Variants in SLC30A6 observed in about 807,000 individuals in gnomAD.
SLC30A6 encodes the protein solute carrier family 30 member 6, also known as zinc transporter 6.
SLC30A6 carries 55 observed loss-of-function variants against 63.0 expected under a neutral mutation model. That is an observed-to-expected ratio of 0.87 (90% CI 0.70 to 1.09). SLC30A6 has a LOEUF of 1.09. Ranked by LOEUF, SLC30A6 falls within the 50% of genes least tolerant of loss-of-function variation. The pLI is 0.00. For synonymous variants in SLC30A6, 224 were observed against 186.1 expected (o/e 1.20, Z -1.66); for missense variants, 587 against 549.2 (o/e 1.07, Z -0.69).
chr2:32,223,907 A>G lies in SLC30A6; in HGVS notation c.*3194A>G, dbSNP rs1686276265. 6.6e-6 allele frequency: 1 copy of G among 152,138 alleles called. No individual in the cohort carries two copies. Among genetic ancestry groups the G allele is most frequent in the South Asian group, 2.1e-4 (1 of 4,816 alleles). The allele number at this position is 152,138 out of a possible 1,614,324, so 9.4% of individuals were successfully genotyped here. On this transcript the variant is annotated 3_prime_UTR_variant, in exon 14 of 14. Coordinates refer to ENST00000282587, the MANE Select transcript of SLC30A6 (RefSeq NM_017964.5). ...GAAGTCATGTTTGGAATTACATATA[A>G]TGTAGCAGGTACTGGAGAGGACCTG... is the stretch of plus-strand genomic sequence containing the variant.
At chr2:32,202,140 T>C in intron 10 of SLC30A6, 1 of 747,140 alleles carries the variant, frequency 1.3e-6, no homozygotes, top group Non-Finnish European at 2.2e-6. Context: ...ATCTTCCTAT[T>C]TCTGAAGAGA....
intron 13 of SLC30A6, among the ~76,000 whole-genome samples, chr2:32,215,743 C>A (rs996211305): frequency 5.9e-5 from 9 of 151,916 alleles, no homozygotes; most frequent in African/African-American, 2.2e-4. Context: ...CTTGCTCTGT[C>A]ACCCAGGCTA....
chr2:32,184,822 T>C lies in SLC30A6; in HGVS notation c.284+484T>C, dbSNP rs564014857. 3.9e-5 allele frequency among the ~76,000 whole-genome samples: 6 copies of C among 152,184 alleles called. 1 individual carries two copies. Among genetic ancestry groups the C allele is most frequent in the Non-Finnish European group, 7.3e-5 (5 of 68,036 alleles). ...ATAAATATTTAAGGTATAAATCATA[T>C]TAAAATAAAATGTTCACATTAAGTT... On this transcript the variant is annotated intron_variant, in intron 5 of 13. Transcript: ENST00000282587.
intron 1 of SLC30A6, among the ~76,000 whole-genome samples, chr2:32,167,658 G>A (rs1680805437): frequency 1.3e-5 from 2 of 149,746 alleles, no homozygotes; most frequent in African/African-American, 2.5e-5. Flanking sequence ...GCTTTTATAT[G>A]CACAAACACA....
chr2:32,180,986 C>T (rs1342695302), intron 4 of SLC30A6, among the ~76,000 whole-genome samples: 1 of 152,106 alleles, frequency 6.6e-6, no homozygotes, highest in African/African-American at 2.4e-5. Context: ...GATTTAGATT[C>T]ATTTAGAGCT....
chr2:32,185,824 A>G (rs548625395), intron 5 of SLC30A6, among the ~76,000 whole-genome samples: 5 of 151,116 alleles, frequency 3.3e-5, no homozygotes, highest in African/African-American at 4.9e-5. Context: ...GGTTCCAGCG[A>G]TTCTTCTGCC....
chr2:32,197,488 A>G (rs560384325), intron 9 of SLC30A6, 96 bp downstream of exon 9: 6 of 1,318,296 alleles, frequency 4.6e-6, no homozygotes, highest in Non-Finnish European at 6.5e-6. Flanking sequence ...TGCTGAGGTT[A>G]CTACGTGAAT....
At position 32,197,384 on chromosome 2, in the gene SLC30A6, T is replaced by A; in HGVS notation, c.537T>A (p.Leu179=). The A allele has an allele frequency of 1.2e-6, 2 of 1,613,558 alleles. No individual in the cohort carries two copies. The highest frequency in any genetic ancestry group is 1.7e-6 in the Non-Finnish European group (2 of 1,179,592). ...GGCTTCAAGAGCATGTTGCAGATCT[T>A]AGTCGAAGGTAAGATGTTATGGAGT... ...TSWLQEHVAD[L]SRSLCGIIPG... is the part of the protein sequence containing the mutation. Residue 179 remains leucine, a synonymous_variant, in exon 9 of 14, where the codon CTT becomes CTA. Coordinates refer to ENST00000282587, the MANE Select transcript of SLC30A6 (RefSeq NM_017964.5).
At chr2:32,172,621 A>G (rs973294315) in intron 2 of SLC30A6, among the ~76,000 whole-genome samples, 3 of 152,038 alleles carry the variant, frequency 2.0e-5, no homozygotes. Flanking sequence ...TTTCTACTCT[A>G]CTTGCATCTA....
chr2:32,197,171 G>A, intron 8 of SLC30A6, 173 bp from the exon 9 acceptor site: 1 of 584,770 alleles, frequency 1.7e-6, no homozygotes, highest in Admixed American at 3.2e-5. Context: ...TTTTGAATTA[G>A]TGGCATAAGG....
At chr2:32,207,966 G>A (rs1485747551) in intron 12 of SLC30A6, among the ~76,000 whole-genome samples, 1 of 151,834 alleles carries the variant, frequency 6.6e-6, no homozygotes, top group Admixed American at 6.6e-5. Flanking sequence ...CCAAAGTGCT[G>A]GGGTTACAGG....
At chr2:32,202,234 G>T (rs1468255586) in intron 10 of SLC30A6, 2 of 785,586 alleles carry the variant, frequency 2.5e-6, no homozygotes, top group Non-Finnish European at 3.9e-6. Context: ...TGAAGGAAAA[G>T]ATTTAATAGC....
chr2:32,220,808 T>G lies in SLC30A6; in HGVS notation c.*95T>G, dbSNP rs1464610243. ...GCATTGACTGTTTAATCATTTACTC[T>G]AAATGTTAGATAATAGTAGTCTTGT... On this transcript the variant is annotated 3_prime_UTR_variant, in exon 14 of 14. Transcript: ENST00000282587. 2 of 1,111,840 alleles carry G rather than the reference T, an allele frequency of 1.8e-6. No individual in the cohort carries two copies. Among genetic ancestry groups the G allele is most frequent in the Non-Finnish European group, 2.6e-6 (2 of 784,266 alleles). The allele number at this position is 1,111,840 out of a possible 1,614,324, so 68.9% of individuals were successfully genotyped here.
At chr2:32,205,070 C>T (rs1279510392) in intron 11 of SLC30A6, among the ~76,000 whole-genome samples, 3 of 152,106 alleles carry the variant, frequency 2.0e-5, no homozygotes, top group Non-Finnish European at 4.4e-5. Context: ...GCTGCGGCCT[C>T]CCAAAGTGTT....
At chr2:32,202,092 G>A in intron 10 of SLC30A6, 1 of 764,550 alleles carries the variant, frequency 1.3e-6, no homozygotes, top group Non-Finnish European at 2.1e-6. Flanking sequence ...AGCTAGAGGA[G>A]ACCTTAACAC....
chr2:32,201,646 C>A, intron 10 of SLC30A6: 1 of 1,514,806 alleles, frequency 6.6e-7, no homozygotes, highest in African/African-American at 1.4e-5. Context: ...CTGGAAGCAC[C>A]CTTGGAGGAG....
At chr2:32,170,110 A>G (rs1334246340) in intron 1 of SLC30A6, among the ~76,000 whole-genome samples, 2 of 151,950 alleles carry the variant, frequency 1.3e-5, no homozygotes, top group East Asian at 1.9e-4. Flanking sequence ...AAATCAATCA[A>G]TTTTTTTCCT....
intron 7 of SLC30A6, 149 bp downstream of exon 7, chr2:32,193,102 A>C: frequency 2.0e-6 from 1 of 490,004 alleles, no homozygotes; most frequent in Non-Finnish European, 3.6e-6. Flanking sequence ...TAATACTAAG[A>C]CTCCGTTTCT....
At chr2:32,208,249 A>C (rs955224211) in intron 12 of SLC30A6, among the ~76,000 whole-genome samples, 3 of 149,220 alleles carry the variant, frequency 2.0e-5, no homozygotes, top group Non-Finnish European at 4.4e-5. Context: ...TCCTGCTTCA[A>C]CCTCCTGAGT....
Sources: allele counts gnomAD v4.1 joint callset (sites outside exome capture counted in the v4.1 genomes callset), GRCh38; gene constraint gnomAD v4.1.1; transcripts MANE v1.5; gene names NCBI Gene and HGNC (gene_info 2026-07-23, HGNC 2026-07-21).